STK39: variants seen among roughly 807,000 people sequenced by gnomAD.
STK39 encodes STE20/SPS1-related proline-alanine-rich protein kinase.
In STK39, 20 loss-of-function variants were observed where a neutral mutation model predicts 77.8. The observed-to-expected ratio is 0.26, with a 90% CI of 0.18 to 0.37. The LOEUF is 0.37. Ranked by LOEUF, STK39 falls within the 10% of genes least tolerant of loss-of-function variation. The pLI is 1.00. For missense variants in STK39, 479 were observed against 656.5 expected, an observed-to-expected ratio of 0.73 and a Z score of 2.95; for synonymous variants, 246 against 234.1, an observed-to-expected ratio of 1.05 and a Z score of -0.47.
Position 168,247,340 on chromosome 2 carries a change from T to A in STK39, c.96A>T (p.Thr32=). The A allele has an allele frequency of 1.1e-5, 11 of 1,042,018 alleles. No individual in the cohort carries two copies. The highest frequency in any genetic ancestry group is 4.5e-5 in the South Asian group (1 of 22,378). The allele number at this position is 1,042,018 out of a possible 1,614,324, so 64.5% of individuals were successfully genotyped here. A position where few individuals can be genotyped will look rare whatever the true frequency, so the allele number is the denominator to read the frequency against. Residue 32 remains threonine, a synonymous_variant, in exon 1 of 18, where the codon ACA becomes ACT. Coordinates refer to ENST00000355999, the MANE Select transcript of STK39 (RefSeq NM_013233.3). ...AAAAAAPAAA[T]AAPAPAAPAA... Reference sequence around the variant, plus strand: ...CGGGAGCTGCCGGGGCCGGCGCTGCTGTCGCGGCCGCCGGGGCCGCCGCCG... The same window carrying A: ...CGGGAGCTGCCGGGGCCGGCGCTGCAGTCGCGGCCGCCGGGGCCGCCGCCG...
chr2:168,106,684 T>C (rs1686982715), intron 10 of STK39, among the ~76,000 whole-genome samples: 2 of 151,870 alleles, frequency 1.3e-5, no homozygotes, highest in African/African-American at 4.8e-5. Context: ...TAGCTGGGCG[T>C]GGTGGTGCGC....
At chr2:168,205,593 G>T (rs914031430) in intron 1 of STK39, among the ~76,000 whole-genome samples, 1 of 152,136 alleles carries the variant, frequency 6.6e-6, no homozygotes, top group Admixed American at 6.5e-5. Flanking sequence ...GAGGGACGGG[G>T]ATTGCTTGAG....
At chr2:168,021,309 C>A (rs756709748) in intron 14 of STK39, among the ~76,000 whole-genome samples, 1 of 152,104 alleles carries the variant, frequency 6.6e-6, no homozygotes, top group Non-Finnish European at 1.5e-5. Context: ...ATGGAGGCTG[C>A]GTAGTCAAGT....
chr2:168,022,397 T>C lies in STK39; in HGVS notation c.1377-5302A>G, dbSNP rs141755450. Among the ~76,000 whole-genome samples, 70 of 152,284 alleles carry C rather than the reference T, an allele frequency of 4.6e-4. 1 individual carries two copies. In the East Asian group the frequency reaches 0.013, roughly 28 times the overall value. ...ATTTGTAAGCACTATTGCAGGAACTTTGAATAAATCAGAATGTATTAATAA... is the reference window on the plus strand; with the variant it reads ...ATTTGTAAGCACTATTGCAGGAACTCTGAATAAATCAGAATGTATTAATAA... On this transcript the variant is annotated intron_variant, in intron 14 of 17. Transcript: ENST00000355999.
rs181702115 is a variant in STK39 at position 168,031,756 on chromosome 2, G to A, written c.1377-14661C>T. 7.8e-4 allele frequency among the ~76,000 whole-genome samples: 119 copies of A among 152,310 alleles called. 1 individual carries two copies. The highest frequency in any genetic ancestry group is 2.6e-3 in the African/African-American group (109 of 41,572). On this transcript the variant is annotated intron_variant, in intron 14 of 17. Transcript: ENST00000355999. ...AGCTAAACCTTTGGGCAGCTTCATC[G>A]TAGACTTCTAGGCGCCAGAACAATG...
At chr2:168,004,269 A>C (rs1380815837) in intron 16 of STK39, among the ~76,000 whole-genome samples, 1 of 152,196 alleles carries the variant, frequency 6.6e-6, no homozygotes, top group Non-Finnish European at 1.5e-5. Context: ...CCATTCATAC[A>C]CATAAACACA....
intron 1 of STK39, among the ~76,000 whole-genome samples, chr2:168,223,127 A>G (rs909995282): frequency 1.3e-5 from 2 of 152,310 alleles, no homozygotes; most frequent in African/African-American, 4.8e-5. Context: ...CTAGCAAATG[A>G]TGCCACTGGG....
At position 168,075,040 on chromosome 2, in the gene STK39, T is replaced by C. The variant is rs758153200; in HGVS notation, c.1213-29A>G. On this transcript the variant is annotated intron_variant, in intron 11 of 17. Coordinates refer to ENST00000355999, the MANE Select transcript of STK39 (RefSeq NM_013233.3). ...TAAAACAATTATGTATCCATTAATATATATACACACACACAATCACAAAAA... is the reference window on the plus strand; with the variant it reads ...TAAAACAATTATGTATCCATTAATACATATACACACACACAATCACAAAAA... 7.4e-6 allele frequency: 12 copies of C among 1,613,936 alleles called. No individual in the cohort carries two copies. The Admixed American group carries it at 2.0e-4, about 27-fold the overall frequency.
chr2:168,187,350 CAA>C (rs5836176), intron 1 of STK39, among the ~76,000 whole-genome samples: 11,511 of 145,018 alleles, frequency 0.079, 1,005 homozygotes, highest in East Asian at 0.24. Context: ...GACTCCATCT[CAA>C]AAAAAAAAAA....
intron 1 of STK39, among the ~76,000 whole-genome samples, chr2:168,221,381 CAGTT>C (rs1690165177): frequency 1.0e-5 from 1 of 97,962 alleles, no homozygotes; most frequent in Non-Finnish European, 2.1e-5. Context: ...CATGTATATT[CAGTT>C]AGTGTTAGCA....
intron 16 of STK39, 56 bp from the exon 17 acceptor site, chr2:167,964,782 T>C: frequency 6.9e-7 from 1 of 1,448,290 alleles, no homozygotes; most frequent in Non-Finnish European, 9.5e-7. Context: ...TAACAGTGGA[T>C]TTTCACATCA....
At chr2:168,225,174 G>C (rs1690272714) in intron 1 of STK39, among the ~76,000 whole-genome samples, 1 of 152,178 alleles carries the variant, frequency 6.6e-6, no homozygotes, top group African/African-American at 2.4e-5. Flanking sequence ...GCAACCTTGA[G>C]AAATCTTCCA....
chr2:168,041,918 G>T (rs1324583747), intron 14 of STK39, among the ~76,000 whole-genome samples: 1 of 152,154 alleles, frequency 6.6e-6, no homozygotes, highest in East Asian at 1.9e-4. Flanking sequence ...CAAGCTCTCT[G>T]CCATGTTATC....
chr2:168,239,861 G>C (rs183550277), intron 1 of STK39, among the ~76,000 whole-genome samples: 7 of 152,350 alleles, frequency 4.6e-5, no homozygotes, highest in South Asian at 4.1e-4. Flanking sequence ...GAAGGGCAAG[G>C]GGGGAGGGGG....
chr2:167,979,596 C>T (rs557932319), intron 16 of STK39, among the ~76,000 whole-genome samples: 1 of 152,192 alleles, frequency 6.6e-6, no homozygotes, highest in African/African-American at 2.4e-5. Flanking sequence ...GTTTCTTAAT[C>T]CGAGAGGTAA....
At chr2:168,226,003 G>C (rs920727657) in intron 1 of STK39, among the ~76,000 whole-genome samples, 2 of 152,128 alleles carry the variant, frequency 1.3e-5, no homozygotes, top group African/African-American at 4.8e-5. Flanking sequence ...CGGCTAACAG[G>C]GAAAGAAGAG....
intron 2 of STK39, among the ~76,000 whole-genome samples, chr2:168,176,432 T>C (rs927180382): frequency 5.9e-5 from 9 of 152,276 alleles, no homozygotes; most frequent in Admixed American, 2.0e-4. Context: ...GGAATAACAG[T>C]TCTTCTCAAA....
At chr2:168,059,118 C>T (rs1685598763) in intron 14 of STK39, among the ~76,000 whole-genome samples, 1 of 152,162 alleles carries the variant, frequency 6.6e-6, no homozygotes, top group Admixed American at 6.5e-5. Context: ...GGCCTCGTGG[C>T]TTGTTTCCTC....
chr2:168,196,431 G>A lies in STK39; in HGVS notation c.209-14341C>T, dbSNP rs187451174. Among the ~76,000 whole-genome samples the A allele has an allele frequency of 5.9e-5, 9 of 152,348 alleles. No individual in the cohort carries two copies. The East Asian group carries it at 1.7e-3, about 29-fold the overall frequency. ...TAATCCCAACACTTTGGGAGGCCAA[G>A]GCAGGTGAATCACCTGAGGTCAGGA... On this transcript the variant is annotated intron_variant, in intron 1 of 17. Coordinates refer to ENST00000355999, the MANE Select transcript of STK39 (RefSeq NM_013233.3).
Sources: gnomAD v4.1 joint callset for allele counts (sites outside exome capture counted in the v4.1 genomes callset) on GRCh38, gnomAD v4.1.1 for gene constraint, MANE v1.5 for transcripts, NCBI Gene and HGNC (gene_info 2026-07-23, HGNC 2026-07-21) for gene names.